The following CSNK1G3 variants were observed in gnomAD, a reference collection of about 807,000 sequenced individuals.
CSNK1G3 encodes casein kinase 1 gamma 3.
Under a neutral mutation model 64.3 loss-of-function variants are expected in CSNK1G3, and 23 were observed. The observed-to-expected ratio is 0.36, with a 90% CI of 0.26 to 0.51. The LOEUF is 0.51. CSNK1G3 is among the 20% of genes least tolerant of loss of function. CSNK1G3 has a pLI of 0.96. For missense variants in CSNK1G3, 357 were observed against 510.5 expected, an observed-to-expected ratio of 0.70 and a Z score of 2.90; for synonymous variants, 158 against 162.2, an observed-to-expected ratio of 0.97 and a Z score of 0.20.
At chr5:123,569,989 A>G (rs7728845) in intron 4 of CSNK1G3, among the ~76,000 whole-genome samples, 34,224 of 151,884 alleles carry the variant, frequency 0.23, 4,072 homozygotes, top group African/African-American at 0.28. Context: ...CATTTCTTCT[A>G]TTATTATGGT....
intron 4 of CSNK1G3, among the ~76,000 whole-genome samples, chr5:123,560,965 T>C (rs1213508562): frequency 6.6e-6 from 1 of 152,194 alleles, no homozygotes; most frequent in Non-Finnish European, 1.5e-5. Flanking sequence ...ATGGTTTAAA[T>C]GACAAATTCT....
rs192318852 is a variant in CSNK1G3 at position 123,610,897 on chromosome 5, A to G, written c.1218-3445A>G. Among the ~76,000 whole-genome samples the G allele has an allele frequency of 3.0e-4, 46 of 152,308 alleles. 1 individual carries two copies. In the South Asian group the frequency reaches 7.3e-3, roughly 24 times the overall value. ...GCTGAAGTGGGAGGACCACTATTAA[A>G]TAAGTACTAACTTTGTGCCAGTTTG... On this transcript the variant is annotated intron_variant, in intron 12 of 12. Transcript: ENST00000345990.
chr5:123,524,734 A>G (rs1477503423), intron 1 of CSNK1G3, among the ~76,000 whole-genome samples: 1 of 152,156 alleles, frequency 6.6e-6, no homozygotes, highest in Admixed American at 6.5e-5. Context: ...AAAGGTGACA[A>G]ATAAATCTGT....
At chr5:123,552,657 T>C (rs762925146) in intron 2 of CSNK1G3, among the ~76,000 whole-genome samples, 18 of 152,214 alleles carry the variant, frequency 1.2e-4, no homozygotes, top group Non-Finnish European at 2.4e-4. Flanking sequence ...TTATTTAATA[T>C]ACTTACTGGA....
At chr5:123,612,168 A>G (rs1796447555) in intron 12 of CSNK1G3, among the ~76,000 whole-genome samples, 1 of 152,162 alleles carries the variant, frequency 6.6e-6, no homozygotes, top group Non-Finnish European at 1.5e-5. Context: ...TTGAATCTTT[A>G]TCAGCTGGTC....
At chr5:123,612,541 G>A (rs999667177) in intron 12 of CSNK1G3, among the ~76,000 whole-genome samples, 2 of 150,620 alleles carry the variant, frequency 1.3e-5, no homozygotes, top group Non-Finnish European at 3.0e-5. Context: ...GCAATGGCGC[G>A]ACCTTGGCTC....
intron 1 of CSNK1G3, among the ~76,000 whole-genome samples, chr5:123,524,503 C>T (rs1778695991): frequency 1.3e-5 from 2 of 152,092 alleles, no homozygotes; most frequent in Non-Finnish European, 2.9e-5. Context: ...GTTTTAGTTT[C>T]CTTAAACTTC....
chr5:123,615,772 C>G (rs1434072692), exon 13 of CSNK1G3: 2 of 152,188 alleles, frequency 1.3e-5, no homozygotes, highest in African/African-American at 4.8e-5. Context: ...GAATAAATCT[C>G]ATATTCATCT....
intron 6 of CSNK1G3, among the ~76,000 whole-genome samples, chr5:123,578,854 G>A (rs1197866756): frequency 6.6e-6 from 1 of 151,858 alleles, no homozygotes; most frequent in Admixed American, 6.6e-5. Flanking sequence ...AATTACCTTA[G>A]TGTGTTTCTT....
intron 1 of CSNK1G3, among the ~76,000 whole-genome samples, chr5:123,531,398 A>T (rs1031430217): frequency 6.6e-6 from 1 of 152,076 alleles, no homozygotes; most frequent in Non-Finnish European, 1.5e-5. Flanking sequence ...TGGGCCATGC[A>T]TATTAGAGAA....
exon 13 of CSNK1G3, chr5:123,614,699 GTTC>G (rs1234713960): frequency 4.1e-6 from 1 of 241,356 alleles, no homozygotes; most frequent in African/African-American, 2.3e-5. Flanking sequence ...TTTTCCAGAA[GTTC>G]TTCTGTTGTA....
intron 1 of CSNK1G3, among the ~76,000 whole-genome samples, chr5:123,538,938 G>A (rs1301863429): frequency 6.6e-6 from 1 of 152,058 alleles, no homozygotes; most frequent in Non-Finnish European, 1.5e-5. Flanking sequence ...CCTTAAGATA[G>A]CAAAGATACC....
intron 10 of CSNK1G3, among the ~76,000 whole-genome samples, chr5:123,594,423 G>A (rs1793020945): frequency 6.6e-6 from 1 of 152,106 alleles, no homozygotes; most frequent in Admixed American, 6.6e-5. Flanking sequence ...ATTCATATAT[G>A]TAGGATTATC....
chr5:123,574,619 A>C (rs373975258), intron 5 of CSNK1G3, among the ~76,000 whole-genome samples: 1 of 152,040 alleles, frequency 6.6e-6, no homozygotes, highest in East Asian at 1.9e-4. Context: ...CCAGGAGTTC[A>C]AGATCAATCT....
At chr5:123,546,628 C>A (rs886976363) in intron 2 of CSNK1G3, among the ~76,000 whole-genome samples, 3 of 151,858 alleles carry the variant, frequency 2.0e-5, no homozygotes, top group Non-Finnish European at 2.9e-5. Context: ...TATTCAGGTA[C>A]CAGGAGGGCT....
intron 12 of CSNK1G3, among the ~76,000 whole-genome samples, chr5:123,614,128 T>G (rs1398444795): frequency 6.6e-6 from 1 of 152,218 alleles, no homozygotes. Flanking sequence ...TTATGTTGCA[T>G]AGAATGTCTT....
At chr5:123,520,786 G>A (rs925994372) in intron 1 of CSNK1G3, among the ~76,000 whole-genome samples, 2 of 151,824 alleles carry the variant, frequency 1.3e-5, no homozygotes, top group South Asian at 2.1e-4. Flanking sequence ...TTGACTTCAG[G>A]TGGTATACTA....
At position 123,526,118 on chromosome 5, in the gene CSNK1G3, G is replaced by A. The variant is rs181063181; in HGVS notation, c.-248+13548G>A. ...AGTGGCATAATCATGGCTCCCTGCA[G>A]CCTCAAACTGCTGGGCTCAGGTGAT... On this transcript the variant is annotated intron_variant, in intron 1 of 12. Coordinates refer to ENST00000345990, the Ensembl canonical transcript of CSNK1G3. Among the ~76,000 whole-genome samples, 1,020 of 151,998 alleles carry A rather than the reference G, an allele frequency of 6.7e-3. 5 individuals are homozygous for A. The highest frequency in any genetic ancestry group is 9.2e-3 in the Admixed American group (140 of 15,278).
intron 10 of CSNK1G3, among the ~76,000 whole-genome samples, chr5:123,603,557 A>G (rs1204509960): frequency 6.6e-6 from 1 of 152,132 alleles, no homozygotes; most frequent in African/African-American, 2.4e-5. Flanking sequence ...GAGCAAGCAA[A>G]TAAGAAAAAC....
Sources: gnomAD v4.1 joint callset for allele counts (sites outside exome capture counted in the v4.1 genomes callset) on GRCh38, gnomAD v4.1.1 for gene constraint, MANE v1.5 for transcripts, NCBI Gene and HGNC (gene_info 2026-07-23, HGNC 2026-07-21) for gene names.